PTPRD: variants seen among roughly 807,000 people sequenced by gnomAD.
PTPRD encodes receptor-type tyrosine-protein phosphatase delta.
Under a neutral mutation model 214.5 loss-of-function variants are expected in PTPRD, and 34 were observed. That is an observed-to-expected ratio of 0.16 (90% CI 0.12 to 0.21). The LOEUF is 0.21. PTPRD is among the 10% of genes least tolerant of loss of function. The pLI is 1.00. For missense variants in PTPRD, 2,545 were observed against 2,398.7 expected, an observed-to-expected ratio of 1.06 and a Z score of -1.27; for synonymous variants, 1,128 against 845.7, an observed-to-expected ratio of 1.33 and a Z score of -5.79.
intron 11 of PTPRD, among the ~76,000 whole-genome samples, chr9:8,868,643 C>T (rs900706415): frequency 6.6e-6 from 1 of 151,930 alleles, no homozygotes; most frequent in African/African-American, 2.4e-5. Context: ...TTTTTTTCTC[C>T]CAGCTCTAGG....
chr9:8,647,672 T>G (rs981080447), intron 12 of PTPRD, among the ~76,000 whole-genome samples: 1 of 152,196 alleles, frequency 6.6e-6, no homozygotes, highest in Non-Finnish European at 1.5e-5. Flanking sequence ...TTCAAAAAAG[T>G]ATATTTTTAA....
intron 3 of PTPRD, among the ~76,000 whole-genome samples, chr9:10,134,752 G>A (rs76724569): frequency 1.3e-5 from 2 of 152,040 alleles, no homozygotes; most frequent in East Asian, 1.9e-4. Context: ...AAAAGATAAG[G>A]GAACAGCATC....
At chr9:8,762,709 A>T (rs543825975) in intron 11 of PTPRD, among the ~76,000 whole-genome samples, 1 of 152,298 alleles carries the variant, frequency 6.6e-6, no homozygotes, top group African/African-American at 2.4e-5. Context: ...TTGAAACTAA[A>T]AGCACTTTCT....
chr9:10,023,666 G>A (rs1481012956), intron 4 of PTPRD, among the ~76,000 whole-genome samples: 1 of 150,206 alleles, frequency 6.7e-6, no homozygotes, highest in African/African-American at 2.4e-5. Context: ...CAGAATTATG[G>A]GAAATTTTAC....
intron 11 of PTPRD, among the ~76,000 whole-genome samples, chr9:8,788,911 ACCAATT>A (rs376390762): frequency 0.012 from 1,877 of 152,254 alleles, 41 homozygotes; most frequent in African/African-American, 0.042. Flanking sequence ...TTCTTATATC[ACCAATT>A]TAATGTTTAC....
At chr9:10,296,386 A>C (rs1374380249) in intron 3 of PTPRD, among the ~76,000 whole-genome samples, 1 of 152,024 alleles carries the variant, frequency 6.6e-6, no homozygotes, top group Non-Finnish European at 1.5e-5. Context: ...ATGCCTCTCA[A>C]AAAGCATCCA....
At chr9:9,793,299 C>A (rs2098980073) in intron 5 of PTPRD, among the ~76,000 whole-genome samples, 1 of 152,024 alleles carries the variant, frequency 6.6e-6, no homozygotes, top group Non-Finnish European at 1.5e-5. Flanking sequence ...CCATTTGATC[C>A]ATTTCTCTGA....
intron 37 of PTPRD, among the ~76,000 whole-genome samples, chr9:8,387,955 G>C (rs889492099): frequency 2.0e-5 from 3 of 152,074 alleles, no homozygotes; most frequent in Non-Finnish European, 4.4e-5. Flanking sequence ...CTTTTGAATT[G>C]GGTTTGCATG....
At chr9:9,908,190 G>T (rs1220185235) in intron 5 of PTPRD, among the ~76,000 whole-genome samples, 1 of 151,900 alleles carries the variant, frequency 6.6e-6, no homozygotes, top group Non-Finnish European at 1.5e-5. Flanking sequence ...GTAAATTCTG[G>T]AATAAAAATT....
chr9:9,878,434 G>C (rs1041039215), intron 5 of PTPRD, among the ~76,000 whole-genome samples: 1 of 152,132 alleles, frequency 6.6e-6, no homozygotes, highest in African/African-American at 2.4e-5. Context: ...CTGCAAACTT[G>C]CAGAGAAGAC....
chr9:8,931,560 C>T (rs1235694265), intron 11 of PTPRD, among the ~76,000 whole-genome samples: 1 of 152,156 alleles, frequency 6.6e-6, no homozygotes, highest in African/African-American at 2.4e-5. Context: ...GGCAGTATGG[C>T]CCTTTTCACG....
At chr9:9,549,472 A>G (rs2154280696) in intron 8 of PTPRD, among the ~76,000 whole-genome samples, 1 of 152,238 alleles carries the variant, frequency 6.6e-6, no homozygotes, top group East Asian at 1.9e-4. Context: ...AACCATCATA[A>G]GATGCCGCCA....
At chr9:10,274,626 G>C (rs10756019) in intron 3 of PTPRD, among the ~76,000 whole-genome samples, 88,793 of 151,996 alleles carry the variant, frequency 0.58, 27,190 homozygotes, top group Non-Finnish European at 0.69. Context: ...TTTGTCTTTA[G>C]ATATTGCTCA....
At chr9:8,891,000 A>T (rs2098534560) in intron 11 of PTPRD, among the ~76,000 whole-genome samples, 1 of 152,156 alleles carries the variant, frequency 6.6e-6, no homozygotes, top group East Asian at 1.9e-4. Flanking sequence ...AGTGTAAGTA[A>T]GTCATGGGGT....
At chr9:9,243,542 C>A (rs1389155656) in intron 9 of PTPRD, among the ~76,000 whole-genome samples, 1 of 152,142 alleles carries the variant, frequency 6.6e-6, no homozygotes, top group Non-Finnish European at 1.5e-5. Context: ...ACAAAAACCA[C>A]ATGATTATCT....
chr9:9,447,286 C>A lies in PTPRD; in HGVS notation c.-236-49804G>T, dbSNP rs116786215. ...AACCTAAATGTCCAGCAATGATAGA[C>A]TGGATAAGTAAATGTGCTATATATG... On this transcript the variant is annotated intron_variant, in intron 8 of 45. Transcript: ENST00000381196. Among the ~76,000 whole-genome samples, 1,417 of 152,192 alleles carry A rather than the reference C, an allele frequency of 9.3e-3. 13 individuals carry two copies. Among genetic ancestry groups the A allele is most frequent in the African/African-American group, 0.032 (1,345 of 41,530 alleles).
At chr9:8,644,219 T>C (rs1249532699) in intron 12 of PTPRD, among the ~76,000 whole-genome samples, 3 of 151,694 alleles carry the variant, frequency 2.0e-5, no homozygotes, top group Non-Finnish European at 4.4e-5. Flanking sequence ...AGCTACCCTC[T>C]CTGCTGGGAG....
intron 9 of PTPRD, among the ~76,000 whole-genome samples, chr9:9,197,558 G>A (rs539911249): frequency 2.6e-4 from 40 of 152,212 alleles, no homozygotes; most frequent in Admixed American, 8.5e-4. Flanking sequence ...TTACAGGCGC[G>A]TGCCACCACA....
chr9:8,382,264 A>G (rs59697026), intron 37 of PTPRD, among the ~76,000 whole-genome samples: 5,975 of 152,324 alleles, frequency 0.039, 382 homozygotes, highest in African/African-American at 0.14. Flanking sequence ...AAGAACAGAG[A>G]AAAACCAAAC....
Sources: gnomAD v4.1 joint callset for allele counts (sites outside exome capture counted in the v4.1 genomes callset) on GRCh38, gnomAD v4.1.1 for gene constraint, MANE v1.5 for transcripts, NCBI Gene and HGNC (gene_info 2026-07-23, HGNC 2026-07-21) for gene names.